The following INO80 variants were observed in gnomAD, a reference collection of about 807,000 sequenced individuals.
INO80 encodes INO80 complex ATPase subunit, also known as chromatin-remodeling ATPase INO80.
INO80 carries 20 observed loss-of-function variants against 203.4 expected under a neutral mutation model. That is an observed-to-expected ratio of 0.10 (90% CI 0.07 to 0.14). INO80 has a LOEUF of 0.14. INO80 is among the 10% of genes least tolerant of loss of function. INO80 has a pLI of 1.00. For missense variants in INO80, 1,419 were observed against 1,914.4 expected, an observed-to-expected ratio of 0.74 and a Z score of 4.83; for synonymous variants, 726 against 685.2, an observed-to-expected ratio of 1.06 and a Z score of -0.93.
chr15:41,045,096 C>A, intron 23 of INO80, 21 bp from the exon 24 acceptor site: 1 of 1,573,904 alleles, frequency 6.4e-7, no homozygotes, highest in South Asian at 1.2e-5. Flanking sequence ...CCACAGCAGA[C>A]ACGCTTATTC....
At chr15:41,111,970 T>C (rs1201215536) in intron 1 of INO80, among the ~76,000 whole-genome samples, 1 of 152,074 alleles carries the variant, frequency 6.6e-6, no homozygotes, top group East Asian at 1.9e-4. Context: ...AGTGGCACAA[T>C]CAGGGTTCAC....
intron 26 of INO80, among the ~76,000 whole-genome samples, chr15:41,019,106 A>G (rs2044116023): frequency 6.6e-6 from 1 of 152,222 alleles, no homozygotes; most frequent in Non-Finnish European, 1.5e-5. Context: ...AGATTAAATA[A>G]TATCTCATTT....
At chr15:41,110,198 G>T (rs565412597) in intron 1 of INO80, among the ~76,000 whole-genome samples, 6 of 152,064 alleles carry the variant, frequency 3.9e-5, no homozygotes, top group African/African-American at 1.4e-4. Context: ...AGGCTGGAGT[G>T]CAGTGGCATG....
At chr15:41,034,885 CATTATGTTTCCAAAT>C (rs796214550) in intron 24 of INO80, among the ~76,000 whole-genome samples, 41 of 152,192 alleles carry the variant, frequency 2.7e-4, no homozygotes, top group African/African-American at 9.9e-4. Flanking sequence ...TTCTCTTCTG[CATTATGTTTCCAAAT>C]AATTAAAGTT....
chr15:41,106,846 C>T lies in INO80; in HGVS notation c.-44+9127G>A, dbSNP rs771580649. ...CAAAGATTATTCTAGCCTCCTGCCT[C>T]GCTTATCTGTAAATTCCACTCCAAC... On this transcript the variant is annotated intron_variant, in intron 1 of 35. Transcript: ENST00000648947. Among the ~76,000 whole-genome samples, 192 of 152,300 alleles carry T rather than the reference C, an allele frequency of 1.3e-3. 2 individuals carry two copies. Among genetic ancestry groups the T allele is most frequent in the Non-Finnish European group, 5.9e-4 (40 of 68,034 alleles).
chr15:41,087,179 A>G (rs2045575586), intron 6 of INO80, among the ~76,000 whole-genome samples: 1 of 152,282 alleles, frequency 6.6e-6, no homozygotes, highest in African/African-American at 2.4e-5. Flanking sequence ...ATATGTACAA[A>G]CTTTTTTTGG....
intron 23 of INO80, among the ~76,000 whole-genome samples, chr15:41,046,371 C>A (rs938581292): frequency 6.8e-6 from 1 of 147,102 alleles, no homozygotes; most frequent in East Asian, 2.0e-4. Context: ...CTGAAACAGG[C>A]GCGTGGCACC....
At chr15:41,050,362 T>C (rs1277088770) in intron 19 of INO80, among the ~76,000 whole-genome samples, 1 of 152,130 alleles carries the variant, frequency 6.6e-6, no homozygotes, top group Non-Finnish European at 1.5e-5. Flanking sequence ...CTAACACCCA[T>C]CACAGTAACA....
rs979756479 is a variant in INO80, at chr15:40,982,983, T to G, written c.4332A>C (p.Ala1444=). Residue 1444 remains alanine (A), a synonymous_variant, in exon 35 of 36, where the codon GCA becomes GCC. Coordinates refer to ENST00000648947, the MANE Select transcript of INO80 (RefSeq NM_017553.3). ...TGGACTTTCGGCTCCGGCCCTTCCCTGCTCCTTTGGCTGTGCTTCCTGAAC... is the reference window on the plus strand; with the variant it reads ...TGGACTTTCGGCTCCGGCCCTTCCCGGCTCCTTTGGCTGTGCTTCCTGAAC... The part of the protein sequence containing the change: ...PKGSGSTAKG[A]GKGRSRKSTA... 3.7e-6 allele frequency: 6 copies of G among 1,614,182 alleles called. No homozygotes were observed. Among genetic ancestry groups the G allele is most frequent in the Non-Finnish European group, 5.1e-6 (6 of 1,180,044 alleles).
intron 28 of INO80, among the ~76,000 whole-genome samples, chr15:41,003,474 C>A (rs1434609488): frequency 6.6e-6 from 1 of 151,090 alleles, no homozygotes; most frequent in Non-Finnish European, 1.5e-5. Context: ...GGATTACAGG[C>A]GCCCACCACC....
chr15:41,049,500 T>C, intron 20 of INO80, 80 bp from the exon 21 acceptor site: 1 of 1,327,402 alleles, frequency 7.5e-7, no homozygotes, highest in Non-Finnish European at 1.1e-6. Flanking sequence ...AAATCCCAAA[T>C]GTTTACCTTT....
intron 4 of INO80, among the ~76,000 whole-genome samples, chr15:41,093,244 G>A (rs2045671164): frequency 6.6e-6 from 1 of 151,852 alleles, no homozygotes; most frequent in African/African-American, 2.4e-5. Context: ...GGCTAACATG[G>A]TGAAACCCTG....
chr15:41,042,321 T>C (rs2044682194), intron 24 of INO80, among the ~76,000 whole-genome samples: 1 of 151,916 alleles, frequency 6.6e-6, no homozygotes, highest in African/African-American at 2.4e-5. Flanking sequence ...ACCTAATTTT[T>C]AAAATTTTTT....
chr15:40,988,761 T>C (rs1169928220), intron 29 of INO80, among the ~76,000 whole-genome samples: 1 of 152,224 alleles, frequency 6.6e-6, no homozygotes, highest in Non-Finnish European at 1.5e-5. Flanking sequence ...ACGCCTGTAA[T>C]CCCATCACTT....
At chr15:40,995,505 T>C (rs2043870006) in intron 29 of INO80, among the ~76,000 whole-genome samples, 1 of 152,222 alleles carries the variant, frequency 6.6e-6, no homozygotes, top group Non-Finnish European at 1.5e-5. Flanking sequence ...AAGAGCCTTA[T>C]ACTTTATTTT....
intron 34 of INO80, 34 bp from the exon 35 acceptor site, chr15:40,983,111 A>G (rs1300082284): frequency 8.4e-6 from 13 of 1,546,364 alleles, no homozygotes; most frequent in Non-Finnish European, 1.2e-5. Context: ...GGGAAAGAAA[A>G]AAAAAAAAAG....
Position 41,071,863 on chromosome 15 carries a change from T to G in INO80, c.1591A>C (p.Asn531His), listed in dbSNP as rs1446923790. Residue 531 changes from asparagine (N) to histidine (H), a missense_variant, in exon 12 of 36, where the codon AAT (asparagine) becomes CAT (histidine). Asn to His is a moderately conservative substitution (Grantham distance 68). Transcript: ENST00000648947. Reference protein sequence around the residue: ...YQLKGMNWLANLYEQGINGIL... With the variant: ...YQLKGMNWLAHLYEQGINGIL... The stretch of plus-strand genomic sequence containing the variant: ...CTAAAATTCACCTGTTCATATAGAT[T>G]GGCCAACCAATTCATGCCTTTCAGT... 1 of 1,613,568 alleles carries G rather than the reference T, an allele frequency of 6.2e-7. No individual in the cohort carries two copies. Among genetic ancestry groups the G allele is most frequent in the African/African-American group, 1.3e-5 (1 of 74,900 alleles).
At chr15:41,019,715 G>A (rs2044261168) in intron 26 of INO80, among the ~76,000 whole-genome samples, 1 of 152,196 alleles carries the variant, frequency 6.6e-6, no homozygotes, top group Admixed American at 6.5e-5. Flanking sequence ...TCAGCTACAA[G>A]GCCATGTGTA....
chr15:41,071,438 T>C (rs1453459595), intron 12 of INO80, among the ~76,000 whole-genome samples: 1 of 149,406 alleles, frequency 6.7e-6, no homozygotes, highest in Non-Finnish European at 1.5e-5. Flanking sequence ...CATGATCTTG[T>C]ACTCATTTCC....
Sources: gnomAD v4.1 joint callset for allele counts (sites outside exome capture counted in the v4.1 genomes callset) on GRCh38, gnomAD v4.1.1 for gene constraint, MANE v1.5 for transcripts, NCBI Gene and HGNC (gene_info 2026-07-23, HGNC 2026-07-21) for gene names.